The following DPP10 variants were observed in gnomAD, a reference collection of about 807,000 sequenced individuals.
DPP10 encodes inactive dipeptidyl peptidase 10.
A neutral mutation model predicts 120.9 loss-of-function variants in DPP10; 33 were observed. The observed-to-expected ratio is 0.27, with a 90% CI of 0.21 to 0.37. DPP10 has a LOEUF of 0.37. Ranked by LOEUF, DPP10 falls within the 10% of genes least tolerant of loss-of-function variation. The probability of loss-of-function intolerance (pLI) is 1.00; values close to 1 mark genes in which losing one functional copy is unlikely to be tolerated. For missense variants in DPP10, 816 were observed against 942.8 expected (o/e 0.87, Z 1.76); for synonymous variants, 337 against 326.1 (o/e 1.03, Z -0.36).
intron 1 of DPP10, among the ~76,000 whole-genome samples, chr2:114,503,005 A>C (rs1190502008): frequency 6.6e-6 from 1 of 152,198 alleles, no homozygotes; most frequent in Non-Finnish European, 1.5e-5. Context: ...GTGCGTGTGC[A>C]TATGTGTGAA....
At chr2:114,900,300 A>T (rs1693451637) in intron 1 of DPP10, among the ~76,000 whole-genome samples, 1 of 152,158 alleles carries the variant, frequency 6.6e-6, no homozygotes, top group Non-Finnish European at 1.5e-5. Flanking sequence ...CTGCTATTGG[A>T]TGTTGCCTTA....
chr2:114,812,462 C>A (rs1019163359), intron 1 of DPP10, among the ~76,000 whole-genome samples: 6 of 151,872 alleles, frequency 4.0e-5, no homozygotes, highest in Admixed American at 2.6e-4. Context: ...GTGGAATGTG[C>A]CTGTCGTTCC....
At chr2:114,812,805 C>T (rs1241552702) in intron 1 of DPP10, among the ~76,000 whole-genome samples, 1 of 151,974 alleles carries the variant, frequency 6.6e-6, no homozygotes, top group African/African-American at 2.4e-5. Flanking sequence ...GTGCCTGTCA[C>T]AAAACTGAAA....
intron 1 of DPP10, among the ~76,000 whole-genome samples, chr2:114,831,831 CTCTT>C (rs1051380880): frequency 5.1e-4 from 63 of 124,452 alleles, no homozygotes; most frequent in African/African-American, 1.6e-3. Context: ...GTTTGCTCTT[CTCTT>C]TCTCTCTCTT....
At chr2:115,335,075 A>C (rs1411956029) in intron 2 of DPP10, among the ~76,000 whole-genome samples, 2 of 151,970 alleles carry the variant, frequency 1.3e-5, no homozygotes, top group African/African-American at 4.8e-5. Flanking sequence ...AAAGGAGGAG[A>C]AAGTCACATC....
intron 1 of DPP10, among the ~76,000 whole-genome samples, chr2:114,558,002 T>C (rs1292172981): frequency 6.6e-6 from 1 of 152,186 alleles, no homozygotes; most frequent in African/African-American, 2.4e-5. Context: ...ACAGAACATC[T>C]TTCTGAGTAA....
At chr2:115,743,340 T>C (rs1472376307) in intron 9 of DPP10, among the ~76,000 whole-genome samples, 1 of 152,150 alleles carries the variant, frequency 6.6e-6, no homozygotes, top group African/African-American at 2.4e-5. Context: ...GTCTGAAAAC[T>C]GGCCACATTG....
intron 1 of DPP10, among the ~76,000 whole-genome samples, chr2:115,303,660 A>AT (rs905063454): frequency 2.0e-5 from 3 of 151,246 alleles, no homozygotes; most frequent in Non-Finnish European, 3.0e-5. Context: ...TTTTACCTTT[A>AT]TTTTTTTTAA....
intron 1 of DPP10, among the ~76,000 whole-genome samples, chr2:114,469,755 T>C (rs1384352726): frequency 6.6e-6 from 1 of 152,064 alleles, no homozygotes; most frequent in Non-Finnish European, 1.5e-5. Flanking sequence ...CAAATATATG[T>C]ATATTGAATG....
intron 5 of DPP10, among the ~76,000 whole-genome samples, chr2:115,552,255 CCT>C (rs2079919918): frequency 6.6e-6 from 1 of 152,078 alleles, no homozygotes; most frequent in African/African-American, 2.4e-5. Flanking sequence ...CAGCATTTGT[CCT>C]CTCTGAGATT....
rs143793002 is a variant in DPP10 at position 114,829,868 on chromosome 2, C to A, written c.60+387030C>A. Among the ~76,000 whole-genome samples the A allele has an allele frequency of 7.9e-5, 12 of 152,262 alleles. 2 individuals are homozygous for A. The highest frequency in any genetic ancestry group is 2.9e-4 in the African/African-American group (12 of 41,566). ...CTATGCGTTTCCTTAAAAGAACACC[C>A]ATTTCAGAACCCGTGTCGTCTCTTT... is the stretch of plus-strand genomic sequence containing the variant. On this transcript the variant is annotated intron_variant, in intron 1 of 25. Transcript: ENST00000410059.
At chr2:114,840,777 C>T (rs367768397) in intron 1 of DPP10, among the ~76,000 whole-genome samples, 69 of 152,078 alleles carry the variant, frequency 4.5e-4, no homozygotes, top group African/African-American at 1.4e-3. Flanking sequence ...AAGAGAGATA[C>T]GTATTGTCAC....
intron 7 of DPP10, among the ~76,000 whole-genome samples, chr2:115,710,313 G>A (rs2092274151): frequency 6.6e-6 from 1 of 152,002 alleles, no homozygotes; most frequent in African/African-American, 2.4e-5. Flanking sequence ...ACTGTTAAAA[G>A]CAAAAATGAC....
chr2:115,598,196 T>C (rs566794570), intron 5 of DPP10, among the ~76,000 whole-genome samples: 1 of 152,072 alleles, frequency 6.6e-6, no homozygotes, highest in South Asian at 2.1e-4. Flanking sequence ...GCCTTTTTTT[T>C]AATATTTGAA....
intron 1 of DPP10, among the ~76,000 whole-genome samples, chr2:114,495,025 T>C: frequency 6.6e-6 from 1 of 152,116 alleles, no homozygotes; most frequent in East Asian, 1.9e-4. Flanking sequence ...TAAAAAAATC[T>C]GTCTAAGTAA....
intron 2 of DPP10, among the ~76,000 whole-genome samples, chr2:115,339,507 A>G (rs959374454): frequency 6.6e-6 from 1 of 152,190 alleles, no homozygotes; most frequent in Non-Finnish European, 1.5e-5. Context: ...CTATAAAAAA[A>G]TGTTTATAGT....
intron 5 of DPP10, among the ~76,000 whole-genome samples, chr2:115,570,230 A>G (rs890579160): frequency 3.9e-5 from 6 of 152,202 alleles, no homozygotes; most frequent in South Asian, 2.1e-4. Flanking sequence ...AAACTGAGCA[A>G]TGCTTGAAGT....
At chr2:114,866,771 TA>T (rs1195480041) in intron 1 of DPP10, among the ~76,000 whole-genome samples, 1 of 152,180 alleles carries the variant, frequency 6.6e-6, no homozygotes, top group African/African-American at 2.4e-5. Context: ...GCCTGTAACC[TA>T]AAAAAGTAAG....
At chr2:114,733,080 G>A (rs1463708253) in intron 1 of DPP10, among the ~76,000 whole-genome samples, 1 of 152,188 alleles carries the variant, frequency 6.6e-6, no homozygotes, top group Non-Finnish European at 1.5e-5. Flanking sequence ...ATTGCAGAGC[G>A]AGAAAGGGCA....
Sources: gnomAD v4.1 joint callset for allele counts (sites outside exome capture counted in the v4.1 genomes callset) on GRCh38, gnomAD v4.1.1 for gene constraint, MANE v1.5 for transcripts, NCBI Gene and HGNC (gene_info 2026-07-23, HGNC 2026-07-21) for gene names.